Variants in MSI2 observed in about 807,000 individuals in gnomAD.
MSI2 encodes RNA-binding protein Musashi homolog 2.
MSI2 carries 17 observed loss-of-function variants against 45.6 expected under a neutral mutation model. The observed-to-expected ratio is 0.37, with a 90% CI of 0.26 to 0.56. The LOEUF (loss-of-function observed/expected upper bound fraction) is 0.56. Ranked by LOEUF, MSI2 falls within the 20% of genes least tolerant of loss-of-function variation. The pLI is 0.77. For missense variants in MSI2, 293 were observed against 444.2 expected (o/e 0.66, Z 3.06); for synonymous variants, 156 against 158.2 (o/e 0.99, Z 0.11).
At chr17:57,389,547 A>G (rs2083749579) in intron 5 of MSI2, among the ~76,000 whole-genome samples, 1 of 152,140 alleles carries the variant, frequency 6.6e-6, no homozygotes, top group Non-Finnish European at 1.5e-5. Context: ...GAACTAACAC[A>G]GGCTCTTACT....
In MSI2 at chr17:57,298,620, C is replaced by T. The variant is rs142421559; in HGVS notation, c.312+36428C>T. ...AGGCTGCAGTGAGCCGAGATTGCAC[C>T]GTTGCATTCTAGCCTGGGTGACAGA... On this transcript the variant is annotated intron_variant, in intron 5 of 13. Coordinates refer to ENST00000284073, the MANE Select transcript of MSI2 (RefSeq NM_138962.4). Among the ~76,000 whole-genome samples the T allele has an allele frequency of 6.1e-3, 921 of 152,140 alleles. 7 individuals carry two copies. The highest frequency in any genetic ancestry group is 0.017 in the South Asian group (83 of 4,822).
chr17:57,678,060 T>C (rs766662925), intron 13 of MSI2, among the ~76,000 whole-genome samples: 1 of 151,934 alleles, frequency 6.6e-6, no homozygotes, highest in Non-Finnish European at 1.5e-5. Context: ...AATCTTGGAG[T>C]TGGGATGTAG....
chr17:57,392,762 C>T (rs541598714), intron 5 of MSI2, among the ~76,000 whole-genome samples: 37 of 152,184 alleles, frequency 2.4e-4, no homozygotes, highest in Admixed American at 7.2e-4. Context: ...TGATGAGAGA[C>T]GAAGCGGTGG....
At chr17:57,299,976 G>A (rs982557256) in intron 5 of MSI2, among the ~76,000 whole-genome samples, 12 of 152,136 alleles carry the variant, frequency 7.9e-5, no homozygotes, top group Non-Finnish European at 1.3e-4. Flanking sequence ...TAAGGCCTTC[G>A]GGGATGCAGG....
chr17:57,509,032 G>A (rs1476324667), intron 6 of MSI2, among the ~76,000 whole-genome samples: 3 of 152,166 alleles, frequency 2.0e-5, no homozygotes, highest in African/African-American at 4.8e-5. Flanking sequence ...AAATCCACAG[G>A]GATCCTCGGG....
At chr17:57,632,615 A>T (rs1490025037) in intron 10 of MSI2, 3 of 1,066,012 alleles carry the variant, frequency 2.8e-6, no homozygotes, top group Non-Finnish European at 3.4e-6. Flanking sequence ...ATCAGGCCCC[A>T]TCTCAAGGTT....
chr17:57,343,609 T>TA lies in MSI2; in HGVS notation c.313-57769dup, dbSNP rs373097743. On this transcript the variant is annotated intron_variant, in intron 5 of 13. Coordinates refer to ENST00000284073, the MANE Select transcript of MSI2 (RefSeq NM_138962.4). ...ATGAACTTCAGAAATCCAGCATTGA[T>TA]ACAGTGCTTTTATGTAATCTACCAT... is the stretch of plus-strand genomic sequence containing the variant. 8.0e-3 allele frequency among the ~76,000 whole-genome samples: 1,226 copies of TA among 152,336 alleles called. 8 individuals carry two copies. The highest frequency in any genetic ancestry group is 0.012 in the Non-Finnish European group (847 of 68,022).
chr17:57,462,797 A>G (rs1180523268), intron 6 of MSI2, among the ~76,000 whole-genome samples: 1 of 152,242 alleles, frequency 6.6e-6, no homozygotes, highest in Non-Finnish European at 1.5e-5. Flanking sequence ...AATGTGGCAG[A>G]GGCCTCTGGA....
chr17:57,447,529 G>A (rs113853188), intron 6 of MSI2, among the ~76,000 whole-genome samples: 14 of 152,268 alleles, frequency 9.2e-5, no homozygotes, highest in African/African-American at 3.1e-4. Flanking sequence ...GTACGGCCCA[G>A]CTGACACAGC....
chr17:57,262,462 C>G (rs1907405812), intron 5 of MSI2: 2 of 395,516 alleles, frequency 5.1e-6, no homozygotes. Context: ...GTATTTTTTG[C>G]AAGGATTCTA....
intron 7 of MSI2, among the ~76,000 whole-genome samples, chr17:57,551,982 C>G (rs2087317243): frequency 6.6e-6 from 1 of 152,190 alleles, no homozygotes; most frequent in South Asian, 2.1e-4. Flanking sequence ...CTGGATCCCT[C>G]AGCTCCAAAG....
rs144103556 is a variant in MSI2 at position 57,556,330 on chromosome 17, CTTG to C, written c.454+26611_454+26613del. Among the ~76,000 whole-genome samples, 1,370 of 152,268 alleles carry C rather than the reference CTTG, an allele frequency of 9.0e-3. 18 individuals are homozygous for C. Among genetic ancestry groups the C allele is most frequent in the African/African-American group, 0.031 (1,277 of 41,536 alleles). On this transcript the variant is annotated intron_variant, in intron 7 of 13. Coordinates refer to ENST00000284073, the MANE Select transcript of MSI2 (RefSeq NM_138962.4). ...TACCAACTGTATTTAGCTTGGTTTG[CTTG>C]TTGTAACTCATTTCCCCTTCCTCCA...
At chr17:57,260,711 C>T (rs1431970669) in intron 4 of MSI2, among the ~76,000 whole-genome samples, 1 of 151,946 alleles carries the variant, frequency 6.6e-6, no homozygotes, top group Non-Finnish European at 1.5e-5. Context: ...GAAAAGTAAT[C>T]TCTCATTTCT....
intron 10 of MSI2, among the ~76,000 whole-genome samples, chr17:57,645,256 G>C (rs1027583414): frequency 1.3e-5 from 2 of 152,180 alleles, no homozygotes; most frequent in African/African-American, 4.8e-5. Context: ...ACCAAGTGGA[G>C]ACATCGCATT....
At chr17:57,645,787 C>A (rs779317209) in intron 10 of MSI2, among the ~76,000 whole-genome samples, 1 of 152,214 alleles carries the variant, frequency 6.6e-6, no homozygotes, top group African/African-American at 2.4e-5. Context: ...TAATCAGAAT[C>A]GCAGGGGTGG....
chr17:57,393,728 C>G (rs2083838043), intron 5 of MSI2, among the ~76,000 whole-genome samples: 1 of 152,192 alleles, frequency 6.6e-6, no homozygotes, highest in Non-Finnish European at 1.5e-5. Flanking sequence ...GTCACCCAGG[C>G]TGGAGTGCAA....
chr17:57,493,513 A>G (rs778555640), intron 6 of MSI2, among the ~76,000 whole-genome samples: 9 of 151,898 alleles, frequency 5.9e-5, no homozygotes, highest in Non-Finnish European at 1.3e-4. Flanking sequence ...GTCCTTGCCC[A>G]GTGGAGATCC....
chr17:57,486,962 C>T (rs2085766457), intron 6 of MSI2, among the ~76,000 whole-genome samples: 1 of 152,076 alleles, frequency 6.6e-6, no homozygotes, highest in Non-Finnish European at 1.5e-5. Flanking sequence ...GTACTGGGTG[C>T]ATGCAAAGTG....
chr17:57,401,343 G>A lies in MSI2; in HGVS notation c.313-36G>A, dbSNP rs1359427907. The A allele has an allele frequency of 4.5e-6, 7 of 1,558,714 alleles. No individual in the cohort carries two copies. The African/African-American group carries it at 9.5e-5, about 21-fold the overall frequency. ...TCTTGAGCCCTGCTTTAGATAACCT[G>A]GTTAACCCATGCCTTTCTCTTGTCA... is the stretch of plus-strand genomic sequence containing the variant. On this transcript the variant is annotated intron_variant, in intron 5 of 13. Coordinates refer to ENST00000284073, the MANE Select transcript of MSI2 (RefSeq NM_138962.4).
Sources: gnomAD v4.1 joint callset for allele counts (sites outside exome capture counted in the v4.1 genomes callset) on GRCh38, gnomAD v4.1.1 for gene constraint, MANE v1.5 for transcripts, NCBI Gene and HGNC (gene_info 2026-07-23, HGNC 2026-07-21) for gene names.